Variants in CUX1 observed in about 807,000 individuals in gnomAD.
CUX1 encodes the protein cut like homeobox 1, also known as protein CASP.
CUX1 carries 31 observed loss-of-function variants against 158.8 expected under a neutral mutation model. The ratio of observed to expected loss-of-function variants is 0.20; its 90% CI spans 0.15 to 0.26. CUX1 has a LOEUF of 0.26. CUX1 is among the 10% of genes least tolerant of loss of function. CUX1 has a pLI of 1.00. For missense variants in CUX1, 1,589 were observed against 2,014.6 expected, an observed-to-expected ratio of 0.79 and a Z score of 4.04; for synonymous variants, 879 against 862.1, an observed-to-expected ratio of 1.02 and a Z score of -0.34.
chr7:102,175,824 A>G (rs1273831421), intron 10 of CUX1, among the ~76,000 whole-genome samples: 1 of 152,150 alleles, frequency 6.6e-6, no homozygotes, highest in African/African-American at 2.4e-5. Context: ...TTGTTTTTTA[A>G]ATTTCCAGTC....
rs1796643286 is a variant in CUX1 at position 101,855,205 on chromosome 7, C to A, written c.30+37536C>A. ...TGGACCCCGTCCCTTGGAGCCTGGC[C>A]CAGGCCCTGCCTCCCAGTGAAACCC... On this transcript the variant is annotated intron_variant, in intron 1 of 23. Transcript: ENST00000292535. 2.0e-5 allele frequency among the ~76,000 whole-genome samples: 3 copies of A among 152,240 alleles called. No homozygotes were observed. The South Asian group carries it at 6.2e-4, about 32-fold the overall frequency.
intron 11 of CUX1, among the ~76,000 whole-genome samples, chr7:102,184,701 C>T (rs1239121277): frequency 3.9e-5 from 6 of 152,056 alleles, no homozygotes; most frequent in Admixed American, 3.3e-4. Flanking sequence ...GGATGGAGTA[C>T]AGTGGCGTGA....
chr7:101,827,912 A>T (rs1793536375), intron 1 of CUX1, among the ~76,000 whole-genome samples: 1 of 149,114 alleles, frequency 6.7e-6, no homozygotes, highest in Non-Finnish European at 1.5e-5. Context: ...GGTGGTGGAG[A>T]TGGAAGGGCT....
At chr7:102,202,279 C>T in intron 18 of CUX1, 75 bp downstream of exon 18, 1 of 1,514,528 alleles carries the variant, frequency 6.6e-7, no homozygotes, top group Non-Finnish European at 8.9e-7. Flanking sequence ...TATCCCGCAG[C>T]CTGTGACCCT....
intron 17 of CUX1, chr7:102,275,472 G>A (rs954250506): frequency 3.5e-6 from 3 of 852,518 alleles, no homozygotes; most frequent in Non-Finnish European, 1.8e-6. Flanking sequence ...AGGGGGAAGA[G>A]ATTTGTTCTG....
Position 102,198,807 on chromosome 7 carries a change from C to G in CUX1, c.1900C>G (p.Pro634Ala). ...CCACACTTGTTTTTCAACAGAGAATCCAGGCCAGAGCCTGAACAGACTATT... is the reference window on the plus strand; with the variant it reads ...CCACACTTGTTTTTCAACAGAGAATGCAGGCCAGAGCCTGAACAGACTATT... The part of the protein sequence containing the change: ...RSIQGRQREN[P>A]GQSLNRLFQE... Residue 634 changes from proline to alanine, a missense_variant, in exon 16 of 24, where the codon CCA (proline) becomes GCA (alanine). By Grantham distance (27) the Pro-to-Ala change is conservative. This residue lies in a region of CUX1 where 37 missense variants were observed against 124.9 expected (regional missense o/e 0.30). Coordinates refer to ENST00000292535, the MANE Select transcript of CUX1 (RefSeq NM_181552.4). 6.2e-7 allele frequency: 1 copy of G among 1,614,034 alleles called. No homozygotes were observed. The highest frequency in any genetic ancestry group is 8.5e-7 in the Non-Finnish European group (1 of 1,179,862).
intron 21 of CUX1, among the ~76,000 whole-genome samples, chr7:102,231,411 A>G (rs958736167): frequency 2.0e-5 from 3 of 151,738 alleles, no homozygotes; most frequent in Non-Finnish European, 4.4e-5. Context: ...GTTATCATCC[A>G]TGCCACCATC....
intron 15 of CUX1, among the ~76,000 whole-genome samples, 172 bp from the exon 16 acceptor site, chr7:102,198,630 G>A (rs146064259): frequency 2.6e-5 from 4 of 152,278 alleles, no homozygotes; most frequent in East Asian, 1.9e-4. Context: ...TCTGCGGGCC[G>A]GTCAGCCAGG....
intron 21 of CUX1, among the ~76,000 whole-genome samples, chr7:102,228,456 C>T (rs541957281): frequency 3.3e-5 from 5 of 152,066 alleles, no homozygotes; most frequent in South Asian, 2.1e-4. Flanking sequence ...CCCAAGAGTT[C>T]GAGACCAGCC....
chr7:102,168,918 CT>C (rs1239519322), intron 9 of CUX1, among the ~76,000 whole-genome samples: 7,997 of 84,100 alleles, frequency 0.095, 524 homozygotes, highest in African/African-American at 0.18. Flanking sequence ...CTTTTATTTT[CT>C]TTTCTTTTCT....
chr7:101,941,668 G>A (rs1329452887), intron 2 of CUX1, among the ~76,000 whole-genome samples: 5 of 152,174 alleles, frequency 3.3e-5, no homozygotes, highest in Admixed American at 2.6e-4. Context: ...TTTCACGTCG[G>A]GGCATTCCTG....
intron 1 of CUX1, among the ~76,000 whole-genome samples, chr7:101,899,363 A>G (rs991089683): frequency 1.3e-5 from 2 of 152,208 alleles, no homozygotes; most frequent in African/African-American, 2.4e-5. Context: ...AGCCTGGTCA[A>G]CATGGCAAAA....
intron 2 of CUX1, among the ~76,000 whole-genome samples, chr7:102,007,609 C>T (rs1817533724): frequency 6.6e-6 from 1 of 151,666 alleles, no homozygotes; most frequent in African/African-American, 2.4e-5. Context: ...GGGCCCTAAA[C>T]TTCTACAAAG....
chr7:101,991,039 A>G (rs1223356070), intron 2 of CUX1, among the ~76,000 whole-genome samples: 3 of 152,184 alleles, frequency 2.0e-5, no homozygotes, highest in Admixed American at 6.5e-5. Flanking sequence ...ACCAGCGCCC[A>G]TAGATACAGG....
At chr7:102,206,758 G>A (rs930733509) in intron 20 of CUX1, among the ~76,000 whole-genome samples, 4 of 152,184 alleles carry the variant, frequency 2.6e-5, no homozygotes, top group African/African-American at 4.8e-5. Flanking sequence ...AATTAGCTGA[G>A]TGTGGTGGTA....
In CUX1 at chr7:101,939,364, C is replaced by T. The variant is rs1014786570; in HGVS notation, c.141+23139C>T. ...AGTATTCCATTGTATGGATGTACCACAGCATGGAGGGATTTTTAAGGCTGG... is the reference window on the plus strand; with the variant it reads ...AGTATTCCATTGTATGGATGTACCATAGCATGGAGGGATTTTTAAGGCTGG... On this transcript the variant is annotated intron_variant, in intron 2 of 23. Coordinates refer to ENST00000292535, the MANE Select transcript of CUX1 (RefSeq NM_181552.4). 2.0e-5 allele frequency among the ~76,000 whole-genome samples: 3 copies of T among 152,066 alleles called. No homozygotes were observed. In the South Asian group the frequency reaches 6.2e-4, roughly 32 times the overall value.
chr7:101,858,691 C>T (rs112777968), intron 1 of CUX1, among the ~76,000 whole-genome samples: 1 of 109,608 alleles, frequency 9.1e-6, no homozygotes, highest in African/African-American at 3.7e-5. Context: ...TTTGAGATGG[C>T]GTCTTGCTCT....
intron 1 of CUX1, among the ~76,000 whole-genome samples, chr7:101,850,344 C>T (rs941559541): frequency 6.6e-6 from 1 of 151,672 alleles, no homozygotes; most frequent in African/African-American, 2.4e-5. Context: ...AAAAAAGAAC[C>T]AACCCCACCC....
intron 1 of CUX1, among the ~76,000 whole-genome samples, chr7:101,827,244 C>CCTTCTCTTCTCTTCT (rs538996031): frequency 0.12 from 15,615 of 129,608 alleles, 1,194 homozygotes; most frequent in Middle Eastern, 0.14. Context: ...CCCCTCCCCT[C>CCTTCTCTTCTCTTCT]CTTCTCTTCT....
Sources: gnomAD v4.1 joint callset for allele counts (sites outside exome capture counted in the v4.1 genomes callset) on GRCh38, gnomAD v4.1.1 for gene constraint, gnomAD v4.1.1 regional missense constraint, MANE v1.5 for transcripts, NCBI Gene and HGNC (gene_info 2026-07-23, HGNC 2026-07-21) for gene names.